The following DSE variants were observed in gnomAD, a reference collection of about 807,000 sequenced individuals.
DSE encodes dermatan sulfate epimerase.
A neutral mutation model predicts 84.4 loss-of-function variants in DSE; 36 were observed. The observed-to-expected ratio is 0.43, with a 90% CI of 0.33 to 0.56. The LOEUF is 0.56. DSE is among the 20% of genes least tolerant of loss of function. The pLI, the probability that DSE is intolerant of heterozygous loss-of-function variation, is 0.06. For synonymous variants in DSE, 410 were observed against 430.1 expected (o/e 0.95, Z 0.58); for missense variants, 862 against 1,169.6 (o/e 0.74, Z 3.84).
At chr6:116,267,039 G>A (rs1008947254) in intron 2 of DSE, among the ~76,000 whole-genome samples, 1 of 152,162 alleles carries the variant, frequency 6.6e-6, no homozygotes, top group Non-Finnish European at 1.5e-5. Flanking sequence ...TCATGTATTG[G>A]TGGTAATGCT....
In DSE at chr6:116,416,102, A is replaced by C. The variant is rs556559995; in HGVS notation, c.417-10472A>C. On this transcript the variant is annotated intron_variant, in intron 2 of 5. Coordinates refer to ENST00000644252, the MANE Select transcript of DSE (RefSeq NM_013352.4). ...CCTGCCTCCACCTTCAAAGCTAGCAACCTTGCATCTCTTTGATTCTTCCTC... is the reference window on the plus strand; with the variant it reads ...CCTGCCTCCACCTTCAAAGCTAGCACCCTTGCATCTCTTTGATTCTTCCTC... Among the ~76,000 whole-genome samples the C allele has an allele frequency of 2.6e-5, 4 of 152,252 alleles. No homozygotes were observed. The East Asian group carries it at 7.7e-4, about 29-fold the overall frequency.
At chr6:116,349,489 C>T (rs1778192324) in intron 2 of DSE, among the ~76,000 whole-genome samples, 1 of 152,178 alleles carries the variant, frequency 6.6e-6, no homozygotes, top group Non-Finnish European at 1.5e-5. Context: ...GAGTGACTAG[C>T]TCGGGCCTTC....
intron 2 of DSE, among the ~76,000 whole-genome samples, chr6:116,355,143 C>T (rs1778506587): frequency 6.6e-6 from 1 of 152,214 alleles, no homozygotes; most frequent in African/African-American, 2.4e-5. Flanking sequence ...ACTTTGCATA[C>T]ATACAGTTTC....
intron 2 of DSE, among the ~76,000 whole-genome samples, chr6:116,346,394 A>T (rs1168278321): frequency 6.6e-6 from 1 of 152,252 alleles, no homozygotes; most frequent in African/African-American, 2.4e-5. Flanking sequence ...AACCGAATCC[A>T]GCAGCACATC....
At chr6:116,336,581 A>G (rs545031174) in intron 2 of DSE, among the ~76,000 whole-genome samples, 70 of 151,838 alleles carry the variant, frequency 4.6e-4, no homozygotes, top group Non-Finnish European at 8.5e-4. Flanking sequence ...CATGCAGAAA[A>G]CCCGTCTCTA....
At chr6:116,318,625 AG>A (rs1237288129) in intron 2 of DSE, among the ~76,000 whole-genome samples, 12 of 152,234 alleles carry the variant, frequency 7.9e-5, no homozygotes, top group Non-Finnish European at 1.6e-4. Flanking sequence ...CTGATATCAA[AG>A]CTCCAGTTTG....
chr6:116,301,950 G>A (rs1775067319), intron 2 of DSE, among the ~76,000 whole-genome samples: 1 of 152,144 alleles, frequency 6.6e-6, no homozygotes, highest in African/African-American at 2.4e-5. Context: ...CCGTGTCCCT[G>A]CAAAGGACAT....
intron 2 of DSE, among the ~76,000 whole-genome samples, chr6:116,271,971 C>T (rs995797715): frequency 6.6e-6 from 1 of 152,192 alleles, no homozygotes; most frequent in Non-Finnish European, 1.5e-5. Flanking sequence ...TCAAGCTTTA[C>T]CGTTACTCCC....
rs780247244 is a variant in DSE, at chr6:116,258,823, T to C, written c.-198T>C. The C allele has an allele frequency of 1.9e-6, 3 of 1,608,416 alleles. No homozygotes were observed. In the South Asian group the frequency reaches 3.3e-5, roughly 18 times the overall value. ...CTCGCCTGTGAGCAGGTGTATGACC[T>C]CGAAGGCATGCTTGACGATGCACAC... is the stretch of plus-strand genomic sequence containing the variant. On this transcript the variant is annotated 5_prime_UTR_variant, in exon 2 of 4. Transcript: ENST00000430252.
intron 1 of DSE, among the ~76,000 whole-genome samples, chr6:116,375,158 C>G (rs529695938): frequency 5.3e-5 from 8 of 152,122 alleles, no homozygotes; most frequent in Non-Finnish European, 4.4e-5. Context: ...CTATGAAATT[C>G]ATATGGTGAA....
intron 3 of DSE, among the ~76,000 whole-genome samples, chr6:116,427,415 A>C (rs1281683291): frequency 2.6e-5 from 4 of 152,208 alleles, no homozygotes; most frequent in Admixed American, 2.0e-4. Context: ...ATGACTGATT[A>C]AGATTGTGTT....
chr6:116,279,047 G>C, intron 2 of DSE: 9 of 1,613,244 alleles, frequency 5.6e-6, no homozygotes, highest in Non-Finnish European at 7.6e-6. Context: ...AGGTAGTGTC[G>C]ACGCATCCGC....
intron 2 of DSE, chr6:116,279,063 C>G: frequency 6.2e-7 from 1 of 1,613,384 alleles, no homozygotes; most frequent in South Asian, 1.1e-5. Flanking sequence ...TCCGCCCAAA[C>G]TTGTGCTCCA....
At chr6:116,314,162 CT>C (rs1775844620) in intron 2 of DSE, among the ~76,000 whole-genome samples, 1 of 152,122 alleles carries the variant, frequency 6.6e-6, no homozygotes, top group Non-Finnish European at 1.5e-5. Context: ...GGTCCATGTG[CT>C]TTCACAATAA....
chr6:116,291,992 CAAG>C (rs1369624147), intron 2 of DSE, among the ~76,000 whole-genome samples: 1 of 152,032 alleles, frequency 6.6e-6, no homozygotes, highest in Non-Finnish European at 1.5e-5. Context: ...CAGCTACAGA[CAAG>C]GAGAGTTTCA....
chr6:116,259,328 G>A (rs1451369680), intron 2 of DSE: 4 of 462,814 alleles, frequency 8.6e-6, no homozygotes, highest in Non-Finnish European at 1.6e-5. Context: ...ACTTACCAGT[G>A]TATGAAACTA....
intron 2 of DSE, among the ~76,000 whole-genome samples, chr6:116,345,229 G>C (rs1313340320): frequency 6.6e-6 from 1 of 152,144 alleles, no homozygotes; most frequent in African/African-American, 2.4e-5. Flanking sequence ...AGTTAACAAG[G>C]ATATCCAGGA....
chr6:116,269,031 A>G (rs376389261), intron 2 of DSE, among the ~76,000 whole-genome samples: 10 of 139,216 alleles, frequency 7.2e-5, no homozygotes, highest in South Asian at 2.3e-4. Flanking sequence ...AAAAAAAAAG[A>G]AAAAAAAAAA....
chr6:116,292,177 G>A (rs1170046791), intron 2 of DSE, among the ~76,000 whole-genome samples: 1 of 152,098 alleles, frequency 6.6e-6, no homozygotes, highest in African/African-American at 2.4e-5. Context: ...GAAGAAGAAA[G>A]GAAGGCCAAA....
Sources: allele counts gnomAD v4.1 joint callset (sites outside exome capture counted in the v4.1 genomes callset), GRCh38; gene constraint gnomAD v4.1.1; transcripts MANE v1.5; gene names NCBI Gene and HGNC (gene_info 2026-07-23, HGNC 2026-07-21).